The following PTGS1 variants were observed in gnomAD, a reference collection of about 807,000 sequenced individuals.
The protein encoded by PTGS1 is prostaglandin-endoperoxide synthase 1.
Under a neutral mutation model 63.0 loss-of-function variants are expected in PTGS1, and 40 were observed. The ratio of observed to expected loss-of-function variants is 0.63; its 90% CI spans 0.49 to 0.83. The LOEUF is 0.83. Among genes scored for constraint, PTGS1 ranks in the 40% least tolerant of loss-of-function variants. The pLI, the probability that PTGS1 is intolerant of heterozygous loss-of-function variation, is 0.00. For missense variants in PTGS1, 709 were observed against 786.5 expected (o/e 0.90, Z 1.18); for synonymous variants, 298 against 301.9 (o/e 0.99, Z 0.13).
intron 2 of PTGS1, among the ~76,000 whole-genome samples, chr9:122,374,203 C>T (rs1380050976): frequency 1.3e-5 from 2 of 152,098 alleles, no homozygotes; most frequent in Non-Finnish European, 2.9e-5. Context: ...TCTGCCTCCG[C>T]GTGTCTTGGG....
At chr9:122,391,322 ATATATATGTGTGTGTATATATATAC>A (rs1564146970) in intron 10 of PTGS1, among the ~76,000 whole-genome samples, 1 of 123,682 alleles carries the variant, frequency 8.1e-6, no homozygotes, top group African/African-American at 4.2e-5. Flanking sequence ...ATACACACAC[ATATATATGTGTGTGTATATATATAC>A]TATATATATA....
chr9:122,380,721 T>G (rs1213688879), intron 5 of PTGS1, among the ~76,000 whole-genome samples: 2 of 152,208 alleles, frequency 1.3e-5, no homozygotes, highest in Non-Finnish European at 2.9e-5. Context: ...AGAAAAAGCT[T>G]GCTGACCTAT....
chr9:122,391,042 A>G (rs1206184734), intron 10 of PTGS1, among the ~76,000 whole-genome samples: 2 of 151,664 alleles, frequency 1.3e-5, no homozygotes, highest in Non-Finnish European at 2.9e-5. Flanking sequence ...CTTGGTTTTC[A>G]TACTAAATAT....
At chr9:122,371,880 A>G in intron 2 of PTGS1, 2 of 1,377,772 alleles carry the variant, frequency 1.5e-6, no homozygotes, top group Non-Finnish European at 2.0e-6. Flanking sequence ...TGGTGGGCCC[A>G]GGATCTGAAC....
chr9:122,378,655 T>C, intron 4 of PTGS1, 82 bp downstream of exon 4: 1 of 1,607,410 alleles, frequency 6.2e-7, no homozygotes, highest in Non-Finnish European at 8.5e-7. Context: ...CTGATAAGGG[T>C]AGTGGGTGGG....
At chr9:122,376,522 G>T (rs1837175292) in intron 2 of PTGS1, among the ~76,000 whole-genome samples, 1 of 152,090 alleles carries the variant, frequency 6.6e-6, no homozygotes, top group Non-Finnish European at 1.5e-5. Context: ...TCTTGCCCAG[G>T]GTCATGCTCT....
chr9:122,389,237 A>G (rs866643979), intron 9 of PTGS1, among the ~76,000 whole-genome samples: 12 of 132,754 alleles, frequency 9.0e-5, no homozygotes, highest in Admixed American at 4.6e-4. Flanking sequence ...TGTAACCTCT[A>G]TCTCCTGGGT....
chr9:122,390,379 C>A, intron 10 of PTGS1, 34 bp downstream of exon 10: 1 of 1,606,338 alleles, frequency 6.2e-7, no homozygotes. Context: ...AGTCCCTGCC[C>A]TTGAGGGACT....
rs559234884 is a variant in PTGS1 at position 122,371,603 on chromosome 9, T to C, written c.94+331T>C. ...GCCTCTGCACCCAACAACCCCGCTG[T>C]TTCCTATAGGGGCCTCTTTGGGAGG... On this transcript the variant is annotated intron_variant, in intron 2 of 10. Coordinates refer to ENST00000362012, the MANE Select transcript of PTGS1 (RefSeq NM_000962.4). 5.6e-6 allele frequency: 8 copies of C among 1,430,102 alleles called. No individual in the cohort carries two copies. The South Asian group carries it at 1.1e-4, about 19-fold the overall frequency. 88.6% of individuals were successfully genotyped at this position (1,430,102 alleles called of 1,614,324 possible). A position where few individuals can be genotyped will look rare whatever the true frequency, so the allele number is the denominator to read the frequency against.
intron 2 of PTGS1, among the ~76,000 whole-genome samples, chr9:122,374,550 G>A (rs1837003153): frequency 6.6e-6 from 1 of 152,168 alleles, no homozygotes; most frequent in Non-Finnish European, 1.5e-5. Context: ...CATCTCCTTG[G>A]TTTTCTTTCT....
At chr9:122,386,410 C>A in intron 8 of PTGS1, 36 bp from the exon 9 acceptor site, 1 of 1,605,762 alleles carries the variant, frequency 6.2e-7, no homozygotes, top group South Asian at 1.1e-5. Flanking sequence ...AATCACTGTG[C>A]TTGGCTGACC....
At chr9:122,370,817 A>G, upstream of PTGS1, 1 of 603,646 alleles carries the variant, frequency 1.7e-6, no homozygotes, top group Non-Finnish European at 2.9e-6. Context: ...TCCTGTCTAT[A>G]TCTAGTGCCA....
chr9:122,392,443 G>A lies in PTGS1; in HGVS notation c.1699G>A (p.Val567Ile), dbSNP rs765893652. Residue 567 changes from valine (V) to isoleucine (I), a missense_variant, in exon 11 of 11, where the codon GTC becomes ATC. Physicochemically the swap from Val to Ile is conservative, Grantham distance 29 (BLOSUM62 3). Coordinates refer to ENST00000362012, the MANE Select transcript of PTGS1 (RefSeq NM_000962.4). The stretch of plus-strand genomic sequence containing the variant: ...CAAGACGGCCACACTGAAGAAGCTG[G>A]TCTGCCTCAACACCAAGACCTGTCC... ...IVKTATLKKL[V>I]CLNTKTCPYV... 19 of 1,614,036 alleles carry A rather than the reference G, an allele frequency of 1.2e-5. No homozygotes were observed. The highest frequency in any genetic ancestry group is 1.6e-4 in the Middle Eastern group (1 of 6,084).
rs1241156217 is a variant in PTGS1, at chr9:122,392,235, T to C, written c.1491T>C (p.Ile497=). The C allele has an allele frequency of 1.9e-6, 3 of 1,606,030 alleles. No homozygotes were observed. The highest frequency in any genetic ancestry group is 1.3e-5 in the African/African-American group (1 of 74,866). ...AGTTGGAGGAATTGTATGGAGACATTGATGCGTTGGAGTTCTACCCTGGAC... is the reference window on the plus strand; with the variant it reads ...AGTTGGAGGAATTGTATGGAGACATCGATGCGTTGGAGTTCTACCCTGGAC... ...AAELEELYGD[I]DALEFYPGLL... The change falls in exon 11 of 11, where the codon ATT becomes ATC. Residue 497 remains isoleucine, a synonymous_variant. Coordinates refer to ENST00000362012, the MANE Select transcript of PTGS1 (RefSeq NM_000962.4).
At chr9:122,391,609 C>T (rs1838290948) in intron 10 of PTGS1, among the ~76,000 whole-genome samples, 1 of 151,166 alleles carries the variant, frequency 6.6e-6, no homozygotes, top group South Asian at 2.1e-4. Flanking sequence ...TTTGTCTCCC[C>T]TTGGCCACAT....
At chr9:122,387,502 T>C (rs1415214354) in intron 9 of PTGS1, among the ~76,000 whole-genome samples, 1 of 152,038 alleles carries the variant, frequency 6.6e-6, no homozygotes, top group Non-Finnish European at 1.5e-5. Flanking sequence ...GGTAATTAAG[T>C]TTAATTGAGG....
Position 122,383,529 on chromosome 9 carries a change from C to A in PTGS1, c.783C>A (p.Tyr261Ter), listed in dbSNP as rs771287763. 2 of 1,610,806 alleles carry A rather than the reference C, an allele frequency of 1.2e-6. No individual in the cohort carries two copies. The highest frequency in any genetic ancestry group is 1.1e-5 in the South Asian group (1 of 91,004). ...CACAGGTGCTGGATGGAGAAATGTA[C>A]CCGCCCTCGGTAGAAGAGGCGCCTG... Reference protein sequence around the residue: ...LKYQVLDGEMYPPSVEEAPVL... With the variant: ...LKYQVLDGEM The change falls in exon 8 of 11, where the codon TAC becomes TAA. Residue 261 changes from tyrosine to a stop codon, truncating the protein, a stop_gained. Coordinates refer to ENST00000362012, the MANE Select transcript of PTGS1 (RefSeq NM_000962.4). LOFTEE classifies it high-confidence loss of function.
Position 122,392,462 on chromosome 9 carries a change from C to T in PTGS1, c.1718C>T (p.Thr573Ile). 6.2e-7 allele frequency: 1 copy of T among 1,614,174 alleles called. No homozygotes were observed. The highest frequency in any genetic ancestry group is 8.5e-7 in the Non-Finnish European group (1 of 1,180,034). Residue 573 changes from threonine (T) to isoleucine (I), a missense_variant, in exon 11 of 11, where the codon ACC becomes ATC. Physicochemically the swap from Thr to Ile is moderately conservative, Grantham distance 89 (BLOSUM62 -1). Coordinates refer to ENST00000362012, the MANE Select transcript of PTGS1 (RefSeq NM_000962.4). ...AAGCTGGTCTGCCTCAACACCAAGA[C>T]CTGTCCCTACGTTTCCTTCCGTGTG... The part of the protein sequence containing the change: ...LKKLVCLNTK[T>I]CPYVSFRVPD...
chr9:122,382,271 T>C (rs1837574556), intron 7 of PTGS1, among the ~76,000 whole-genome samples: 1 of 152,278 alleles, frequency 6.6e-6, no homozygotes, highest in African/African-American at 2.4e-5. Flanking sequence ...TAATACATTT[T>C]ACTTAATGCA....
Sources: allele counts gnomAD v4.1 joint callset (sites outside exome capture counted in the v4.1 genomes callset), GRCh38; gene constraint gnomAD v4.1.1; transcripts MANE v1.5; gene names NCBI Gene and HGNC (gene_info 2026-07-23, HGNC 2026-07-21).